ANK2: variants seen among roughly 807,000 people sequenced by gnomAD.
ANK2 encodes ankyrin-2.
Under a neutral mutation model 360.5 loss-of-function variants are expected in ANK2, and 83 were observed. The ratio of observed to expected loss-of-function variants is 0.23; its 90% confidence interval spans 0.19 to 0.28. The LOEUF (loss-of-function observed/expected upper bound fraction) is 0.28. Ranked by LOEUF, ANK2 falls within the 10% of genes least tolerant of loss-of-function variation. ANK2 has a pLI of 1.00. For synonymous variants in ANK2, 1,740 were observed against 1,759.5 expected (o/e 0.99, Z 0.28); for missense variants, 4,201 against 4,795.7 (o/e 0.88, Z 3.66).
chr4:113,211,471 A>T (rs72898040), intron 4 of ANK2, among the ~76,000 whole-genome samples: 2,148 of 152,246 alleles, frequency 0.014, 28 homozygotes, highest in African/African-American at 0.036. Flanking sequence ...AAAGATCTCA[A>T]CCTTCTAGGT....
At chr4:112,779,844 C>A in the ANK2 span, among the ~76,000 whole-genome samples, 1 of 152,180 alleles carries the variant, frequency 6.6e-6, no homozygotes, top group African/African-American at 2.4e-5. Context: ...CAAGGGGTTT[C>A]TTGCAGGGCA....
intron 2 of ANK2, among the ~76,000 whole-genome samples, chr4:112,980,734 T>C (rs1450008826): frequency 3.3e-5 from 5 of 152,234 alleles, no homozygotes; most frequent in African/African-American, 9.6e-5. Context: ...TATATTTCTG[T>C]TACTACAGCT....
rs529305541 is a variant in ANK2 at position 113,211,253 on chromosome 4, T to C, written c.384+12144T>C. On this transcript the variant is annotated intron_variant, in intron 4 of 45. Coordinates refer to ENST00000357077, the MANE Select transcript of ANK2 (RefSeq NM_001148.6). ...CACAATGTATCGAGCTAATGATAATTTGTGCATCATTCTTGTTCATAACTC... is the reference window on the plus strand; with the variant it reads ...CACAATGTATCGAGCTAATGATAATCTGTGCATCATTCTTGTTCATAACTC... Among the ~76,000 whole-genome samples, 18 of 152,338 alleles carry C rather than the reference T, an allele frequency of 1.2e-4. No individual in the cohort carries two copies. In the South Asian group the frequency reaches 3.3e-3, roughly 28 times the overall value.
At chr4:113,364,642 A>C (rs1446493880) in intron 40 of ANK2, among the ~76,000 whole-genome samples, 1 of 152,196 alleles carries the variant, frequency 6.6e-6, no homozygotes, top group Non-Finnish European at 1.5e-5. Context: ...CATTCTTCTA[A>C]GTAGAATTGT....
At chr4:112,792,166 C>T in the ANK2 span, among the ~76,000 whole-genome samples, 4 of 151,320 alleles carry the variant, frequency 2.6e-5, no homozygotes, top group African/African-American at 9.7e-5. Flanking sequence ...CTCAGCCTCC[C>T]GAGTAGCTGG....
the ANK2 span, among the ~76,000 whole-genome samples, chr4:112,732,404 C>A: frequency 6.6e-6 from 1 of 152,006 alleles, no homozygotes; most frequent in Non-Finnish European, 1.5e-5. Context: ...TTACCATACC[C>A]AGCTATTTAC....
At chr4:112,812,991 G>C in the ANK2 span, among the ~76,000 whole-genome samples, 1 of 152,054 alleles carries the variant, frequency 6.6e-6, no homozygotes, top group Non-Finnish European at 1.5e-5. Context: ...TGTAATCTCA[G>C]CACTTTGGGA....
At chr4:112,763,306 G>A in the ANK2 span, among the ~76,000 whole-genome samples, 6 of 150,676 alleles carry the variant, frequency 4.0e-5, no homozygotes, top group African/African-American at 1.2e-4. Flanking sequence ...TCCGCTCACT[G>A]CAAGCTCCGT....
At chr4:112,725,855 A>G in the ANK2 span, among the ~76,000 whole-genome samples, 34 of 152,180 alleles carry the variant, frequency 2.2e-4, no homozygotes, top group Non-Finnish European at 4.1e-4. Context: ...GATTGGTAGC[A>G]CAACAGTGTA....
In ANK2 at chr4:113,174,411, C is replaced by A; in HGVS notation, c.85-5C>A. 3 of 1,608,884 alleles carry A rather than the reference C, an allele frequency of 1.9e-6. No individual in the cohort carries two copies. The South Asian group carries it at 3.3e-5, about 18-fold the overall frequency. ...TTCATTAAAGGTCTTTTATTTTTCT[C>A]GCAGTCTGACAGCAATGCAAGCTTC... On this transcript the variant is annotated splice_region_variant and splice_polypyrimidine_tract_variant and intron_variant, in intron 1 of 45. Transcript: ENST00000357077.
In ANK2 at chr4:113,369,462, A is replaced by C. The variant is rs370160843; in HGVS notation, c.11319-52A>C. 1.9e-6 allele frequency: 3 copies of C among 1,588,558 alleles called. No homozygotes were observed. In the African/African-American group the frequency reaches 4.0e-5, roughly 21 times the overall value. On this transcript the variant is annotated intron_variant, in intron 42 of 45. Transcript: ENST00000357077. ...TGCCTTTCGATTTCCTTGCTTGAGC[A>C]GGAGGTGAAATGCAAATGTCCCTGA...
rs188862458 is a variant in ANK2 at position 112,872,267 on chromosome 4, C to T, written c.-39-32188C>T. On this transcript the variant is annotated intron_variant, in intron 1 of 30. Coordinates refer to the ANK2 transcript ENST00000503271. ...CTGGTCTCAATCTCCTGGGCTCAAGCGATCCTCCTGCCTTGGCTTCCTAAA... is the reference window on the plus strand; with the variant it reads ...CTGGTCTCAATCTCCTGGGCTCAAGTGATCCTCCTGCCTTGGCTTCCTAAA... 1.8e-3 allele frequency among the ~76,000 whole-genome samples: 280 copies of T among 151,686 alleles called. 1 individual carries two copies. Among genetic ancestry groups the T allele is most frequent in the Non-Finnish European group, 1.8e-3 (120 of 67,902 alleles).
the ANK2 span, among the ~76,000 whole-genome samples, chr4:112,784,485 C>T: frequency 6.6e-6 from 1 of 151,488 alleles, no homozygotes; most frequent in Non-Finnish European, 1.5e-5. Context: ...AGCCTCCTAC[C>T]GGCGCCTGCC....
intron 1 of ANK2, among the ~76,000 whole-genome samples, chr4:112,819,857 C>T (rs1004127299): frequency 1.3e-5 from 2 of 152,170 alleles, no homozygotes; most frequent in Admixed American, 6.5e-5. Flanking sequence ...TTCTTGTAGA[C>T]GAGCACGGTG....
At chr4:113,225,797 T>G (rs150993152) in intron 4 of ANK2, among the ~76,000 whole-genome samples, 6 of 152,322 alleles carry the variant, frequency 3.9e-5, no homozygotes, top group African/African-American at 9.6e-5. Context: ...ACATTCAATT[T>G]GTCAAGATAA....
chr4:112,835,568 G>A (rs1331854136), intron 1 of ANK2, among the ~76,000 whole-genome samples: 1 of 152,020 alleles, frequency 6.6e-6, no homozygotes, highest in African/African-American at 2.4e-5. Flanking sequence ...CCCTTGGTTG[G>A]TTACTTATTT....
At chr4:113,084,459 T>G (rs1019758541) in intron 1 of ANK2, among the ~76,000 whole-genome samples, 1 of 152,226 alleles carries the variant, frequency 6.6e-6, no homozygotes, top group Non-Finnish European at 1.5e-5. Flanking sequence ...CGAAACGCGA[T>G]TAAATCCATA....
At chr4:112,881,350 C>T (rs1050691500) in intron 1 of ANK2, among the ~76,000 whole-genome samples, 4 of 152,144 alleles carry the variant, frequency 2.6e-5, no homozygotes, top group Admixed American at 6.5e-5. Context: ...ACTGGGAGAT[C>T]GCTTGAGCCC....
Position 113,341,695 on chromosome 4 carries a change from C to CTGA in ANK2, c.3903_3905dup (p.Leu1301_Ile1302insMet), listed in dbSNP as rs1404087589. ...CTTTATTTATTTTAATAGGTTCTGGCTGATAGATTGTCGACAGATCCAGGA... is the reference window on the plus strand; with the variant it reads ...CTTTATTTATTTTAATAGGTTCTGGCTGATGATAGATTGTCGACAGATCCAGGA... On this transcript the variant is annotated inframe_insertion, in exon 33 of 46. Coordinates refer to ENST00000357077, the MANE Select transcript of ANK2 (RefSeq NM_001148.6). 6.2e-7 allele frequency: 1 copy of CTGA among 1,614,028 alleles called. No individual in the cohort carries two copies. Among genetic ancestry groups the CTGA allele is most frequent in the East Asian group, 2.2e-5 (1 of 44,868 alleles).
Sources: gnomAD v4.1 joint callset for allele counts (sites outside exome capture counted in the v4.1 genomes callset) on GRCh38, gnomAD v4.1.1 for gene constraint, MANE v1.5 for transcripts, NCBI Gene and HGNC (gene_info 2026-07-23, HGNC 2026-07-21) for gene names.